The following POU6F2 variants were observed in gnomAD, a reference collection of about 807,000 sequenced individuals.
POU6F2 encodes POU class 6 homeobox 2, also known as POU domain, class 6, transcription factor 2.
A neutral mutation model predicts 71.3 loss-of-function variants in POU6F2; 31 were observed. That is an observed-to-expected ratio of 0.43 (90% CI 0.33 to 0.59). POU6F2 has a LOEUF of 0.59. Ranked by LOEUF, POU6F2 falls within the 20% of genes least tolerant of loss-of-function variation. POU6F2 has a pLI of 0.04. For synonymous variants in POU6F2, 347 were observed against 355.7 expected, an observed-to-expected ratio of 0.98 and a Z score of 0.27; for missense variants, 783 against 856.8, an observed-to-expected ratio of 0.91 and a Z score of 1.07.
chr7:39,315,952 A>G (rs117197881), intron 4 of POU6F2, among the ~76,000 whole-genome samples: 1,814 of 152,286 alleles, frequency 0.012, 19 homozygotes, highest in Non-Finnish European at 0.02. Context: ...CTCCTGTGAG[A>G]AAAATTCTGC....
At chr7:39,050,911 T>G (rs1790389056) in intron 1 of POU6F2, among the ~76,000 whole-genome samples, 1 of 152,186 alleles carries the variant, frequency 6.6e-6, no homozygotes, top group Admixed American at 6.5e-5. Context: ...TCCAGGACAC[T>G]GTAATGGTTG....
chr7:39,317,299 G>A (rs992376273), intron 4 of POU6F2, among the ~76,000 whole-genome samples: 3 of 152,140 alleles, frequency 2.0e-5, no homozygotes, highest in Non-Finnish European at 2.9e-5. Flanking sequence ...ATGGGAACTC[G>A]CCGATGGCTT....
chr7:39,110,730 G>A (rs35331179), intron 2 of POU6F2, among the ~76,000 whole-genome samples: 37,193 of 152,080 alleles, frequency 0.24, 5,254 homozygotes, highest in East Asian at 0.56. Context: ...AATTCTTCAA[G>A]GAAATCACTT....
chr7:39,048,655 C>T (rs1790341308), intron 1 of POU6F2, among the ~76,000 whole-genome samples: 1 of 151,926 alleles, frequency 6.6e-6, no homozygotes, highest in Non-Finnish European at 1.5e-5. Context: ...CATACATGTG[C>T]ATGTCTTTTT....
intron 1 of POU6F2, among the ~76,000 whole-genome samples, chr7:39,021,915 C>A (rs561245861): frequency 2.5e-4 from 38 of 152,184 alleles, no homozygotes; most frequent in Non-Finnish European, 4.6e-4. Context: ...ACAGTTTTAG[C>A]ATTTTTCTTT....
chr7:39,397,928 C>T (rs1787212272), intron 5 of POU6F2, among the ~76,000 whole-genome samples: 1 of 151,448 alleles, frequency 6.6e-6, no homozygotes, highest in Non-Finnish European at 1.5e-5. Flanking sequence ...AAGCAATTCT[C>T]CTGCCTCAGC....
chr7:39,165,116 G>A (rs1364094475), intron 2 of POU6F2, among the ~76,000 whole-genome samples: 3 of 152,072 alleles, frequency 2.0e-5, no homozygotes, highest in African/African-American at 7.2e-5. Context: ...CCTGACTGGC[G>A]GCGCACTCAG....
intron 4 of POU6F2, among the ~76,000 whole-genome samples, chr7:39,216,028 T>G (rs1398451240): frequency 6.6e-6 from 1 of 152,240 alleles, no homozygotes; most frequent in Admixed American, 6.5e-5. Context: ...AGAACTGCAG[T>G]GGCTCTTAAA....
At position 39,248,795 on chromosome 7, in the gene POU6F2, G is replaced by A. The variant is rs117571557; in HGVS notation, c.598+41175G>A. Among the ~76,000 whole-genome samples, 4 of 152,302 alleles carry A rather than the reference G, an allele frequency of 2.6e-5. No homozygotes were observed. The East Asian group carries it at 7.7e-4, about 29-fold the overall frequency. ...CCCCATTGTCCCAGAGTAGTTACGTGTCACGTGGGTGGTAGAGACAGGTTA... is the reference window on the plus strand; with the variant it reads ...CCCCATTGTCCCAGAGTAGTTACGTATCACGTGGGTGGTAGAGACAGGTTA... On this transcript the variant is annotated intron_variant, in intron 4 of 9. Transcript: ENST00000518318.
intron 2 of POU6F2, among the ~76,000 whole-genome samples, chr7:39,194,766 G>A (rs1793746923): frequency 6.6e-6 from 1 of 152,172 alleles, no homozygotes; most frequent in Non-Finnish European, 1.5e-5. Flanking sequence ...CTACCTTTAT[G>A]AGCTGTAACA....
At chr7:39,355,056 T>G (rs913050486) in intron 5 of POU6F2, among the ~76,000 whole-genome samples, 18 of 152,174 alleles carry the variant, frequency 1.2e-4, no homozygotes. Context: ...ATCTGGCACA[T>G]TTTTAAAATG....
intron 7 of POU6F2, among the ~76,000 whole-genome samples, chr7:39,443,221 A>G (rs1583608331): frequency 6.6e-6 from 1 of 152,196 alleles, no homozygotes; most frequent in African/African-American, 2.4e-5. Flanking sequence ...ACTGGAAAAA[A>G]AAGCCAGCTT....
At chr7:39,407,929 G>A (rs1379768480) in intron 6 of POU6F2, among the ~76,000 whole-genome samples, 1 of 152,144 alleles carries the variant, frequency 6.6e-6, no homozygotes, top group African/African-American at 2.4e-5. Context: ...GGTGCACACC[G>A]CACATATTAA....
chr7:39,360,605 C>T (rs1444490346), intron 5 of POU6F2, among the ~76,000 whole-genome samples: 1 of 152,060 alleles, frequency 6.6e-6, no homozygotes, highest in Non-Finnish European at 1.5e-5. Flanking sequence ...GGATCTTGTG[C>T]AGGAAAGAAT....
intron 5 of POU6F2, among the ~76,000 whole-genome samples, chr7:39,355,187 T>C (rs190294422): frequency 6.6e-6 from 1 of 152,324 alleles, no homozygotes; most frequent in East Asian, 1.9e-4. Flanking sequence ...GGTGGGACCA[T>C]GTGCCCAGAT....
rs148473149 is a variant in POU6F2 at position 39,135,207 on chromosome 7, C to T, written c.277+49176C>T. 2.9e-3 allele frequency among the ~76,000 whole-genome samples: 435 copies of T among 152,266 alleles called. 1 individual carries two copies. The highest frequency in any genetic ancestry group is 9.9e-3 in the African/African-American group (412 of 41,560). Reference sequence around the variant, plus strand: ...CAATTTATGTGAAAGCAGTTATGAGCATTGACTCAAAAACTTCAGAAATAT... The same window carrying T: ...CAATTTATGTGAAAGCAGTTATGAGTATTGACTCAAAAACTTCAGAAATAT... On this transcript the variant is annotated intron_variant, in intron 2 of 9. Transcript: ENST00000518318.
intron 1 of POU6F2, among the ~76,000 whole-genome samples, chr7:39,040,092 T>TAC: frequency 4.9e-4 from 1 of 2,030 alleles, no homozygotes; most frequent in Non-Finnish European, 8.3e-4. Flanking sequence ...ATATATGTAT[T>TAC]ATATATATGT....
intron 2 of POU6F2, among the ~76,000 whole-genome samples, chr7:39,131,757 T>C (rs1271031400): frequency 6.6e-5 from 10 of 152,326 alleles, no homozygotes; most frequent in Admixed American, 2.0e-4. Flanking sequence ...TTCTGATCTT[T>C]CTCCTGCACA....
At chr7:39,246,815 T>A (rs1215373070) in intron 4 of POU6F2, among the ~76,000 whole-genome samples, 3 of 151,372 alleles carry the variant, frequency 2.0e-5, no homozygotes, top group Non-Finnish European at 4.4e-5. Context: ...AATTAGTCTA[T>A]GAATATTTCT....
Sources: allele counts gnomAD v4.1 joint callset (sites outside exome capture counted in the v4.1 genomes callset), GRCh38; gene constraint gnomAD v4.1.1; transcripts MANE v1.5; gene names NCBI Gene and HGNC (gene_info 2026-07-23, HGNC 2026-07-21).